Variants in SAMD7 observed in about 807,000 individuals in gnomAD.
SAMD7 encodes sterile alpha motif domain-containing protein 7.
A neutral mutation model predicts 36.7 loss-of-function variants in SAMD7; 34 were observed. The observed-to-expected ratio is 0.93, with a 90% CI of 0.71 to 1.23. The LOEUF (loss-of-function observed/expected upper bound fraction) is 1.23. Among genes scored for constraint, SAMD7 ranks in the 50% most tolerant of loss-of-function variants. The pLI, the probability that SAMD7 is intolerant of heterozygous loss-of-function variation, is 0.00. For missense variants in SAMD7, 570 were observed against 546.6 expected, an observed-to-expected ratio of 1.04 and a Z score of -0.43; for synonymous variants, 188 against 189.7, an observed-to-expected ratio of 0.99 and a Z score of 0.07.
intron 8 of SAMD7, 30 bp from the exon 9 acceptor site, chr3:169,938,288 T>C (rs918526771): frequency 6.8e-7 from 1 of 1,466,152 alleles, no homozygotes; most frequent in Non-Finnish European, 9.4e-7. Context: ...ATTCATAGAA[T>C]TGATTACTAT....
rs138236130 is a variant in SAMD7, at chr3:169,921,327, G to A, written c.200G>A (p.Arg67Gln). 18 of 1,613,732 alleles carry A rather than the reference G, an allele frequency of 1.1e-5. No homozygotes were observed. Among genetic ancestry groups the A allele is most frequent in the Middle Eastern group, 3.3e-4 (2 of 6,062 alleles). Residue 67 changes from arginine (R) to glutamine (Q), a missense_variant, in exon 4 of 9, where the codon CGG becomes CAG. By Grantham distance (43) the Arg-to-Gln change is conservative. Transcript: ENST00000335556. Reference protein sequence around the residue: ...NTNMANVLSSRIYPGWGILPP... With the variant: ...NTNMANVLSSQIYPGWGILPP... ...AATATGGCAAATGTGTTGTCCAGTC[G>A]GATCTACCCAGGTATGAGCAATAGA...
chr3:169,929,887 C>A (rs777357437), intron 7 of SAMD7, among the ~76,000 whole-genome samples: 1 of 152,166 alleles, frequency 6.6e-6, no homozygotes, highest in South Asian at 2.1e-4. Context: ...ATGGTTATAA[C>A]CTTATTTTTA....
At position 169,926,600 on chromosome 3, in the gene SAMD7, A is replaced by G. The variant is rs1462898797; in HGVS notation, c.338A>G (p.Lys113Arg). 6.2e-7 allele frequency: 1 copy of G among 1,613,036 alleles called. No homozygotes were observed. The highest frequency in any genetic ancestry group is 8.5e-7 in the Non-Finnish European group (1 of 1,179,586). The change falls in exon 6 of 9, where the codon AAA becomes AGA. Residue 113 changes from lysine (K) to arginine (R), a missense_variant. By Grantham distance (26) the Lys-to-Arg change is conservative (BLOSUM62 2). Transcript: ENST00000335556. ...YAIYQQRRME[K>R]INPKGLAGLG... is the part of the protein sequence containing the mutation. ...ATTTACCAGCAAAGGAGAATGGAAA[A>G]AATTAATCCCAAGGGACTAGCAGGC... is the stretch of plus-strand genomic sequence containing the variant.
At chr3:169,931,435 G>C (rs973392706) in intron 7 of SAMD7, among the ~76,000 whole-genome samples, 2 of 151,762 alleles carry the variant, frequency 1.3e-5, no homozygotes, top group African/African-American at 4.8e-5. Flanking sequence ...ATTTATCCAC[G>C]TGGTTCCTCC....
chr3:169,925,860 A>T (rs1713236924), intron 5 of SAMD7, among the ~76,000 whole-genome samples: 1 of 152,188 alleles, frequency 6.6e-6, no homozygotes, highest in South Asian at 2.1e-4. Flanking sequence ...GTCTTAAATG[A>T]CTTCAATTTT....
chr3:169,929,443 G>C (rs941597648), intron 7 of SAMD7, among the ~76,000 whole-genome samples: 1 of 152,090 alleles, frequency 6.6e-6, no homozygotes, highest in Non-Finnish European at 1.5e-5. Context: ...TGAAATGTTT[G>C]TCTACAGTGA....
At chr3:169,912,162 T>A (rs967184931) in intron 1 of SAMD7, among the ~76,000 whole-genome samples, 3 of 152,318 alleles carry the variant, frequency 2.0e-5, no homozygotes, top group East Asian at 1.9e-4. Context: ...TTCAAACAGA[T>A]GAAGTACCTA....
rs1190957793 is a variant in SAMD7 at position 169,938,879 on chromosome 3, AAC to A, written c.*374_*375del. 6.1e-6 allele frequency: 1 copy of A among 163,444 alleles called. No homozygotes were observed. Among genetic ancestry groups the A allele is most frequent in the Admixed American group, 6.3e-5 (1 of 15,754 alleles). 10.1% of individuals were successfully genotyped at this position (163,444 alleles called of 1,614,324 possible). Reference sequence around the variant, plus strand: ...CCCAAACCCTGAAAGAGATAAAGGCAACCCAATGAAACCACAGAGAGGCAGAA... The same window carrying A: ...CCCAAACCCTGAAAGAGATAAAGGCACCAATGAAACCACAGAGAGGCAGAA... On this transcript the variant is annotated 3_prime_UTR_variant, in exon 9 of 9. Transcript: ENST00000335556.
At chr3:169,922,276 G>A (rs1049271329) in intron 4 of SAMD7, among the ~76,000 whole-genome samples, 3 of 152,166 alleles carry the variant, frequency 2.0e-5, no homozygotes, top group Non-Finnish European at 4.4e-5. Context: ...CCTATGGAGA[G>A]AGTGCAGATA....
At chr3:169,928,635 G>A in intron 7 of SAMD7, 57 bp downstream of exon 7, 1 of 1,563,484 alleles carries the variant, frequency 6.4e-7, no homozygotes, top group Non-Finnish European at 8.8e-7. Flanking sequence ...TATCTTTCCT[G>A]CATAATGAAT....
intron 6 of SAMD7, 110 bp downstream of exon 6, chr3:169,927,291 T>TTA (rs1285775353): frequency 1.7e-5 from 11 of 641,160 alleles, no homozygotes; most frequent in Non-Finnish European, 2.4e-5. Context: ...CTTTCTTTTT[T>TTA]TTTTTTTTTT....
chr3:169,933,180 C>T, intron 7 of SAMD7: 1 of 720,016 alleles, frequency 1.4e-6, no homozygotes, highest in Non-Finnish European at 2.6e-6. Context: ...GTGCACTGAC[C>T]AGTTTGGGAT....
rs951108287 is a variant in SAMD7, at chr3:169,926,284, C to T, written c.291-269C>T. 2.0e-5 allele frequency: 27 copies of T among 1,381,256 alleles called. 1 individual carries two copies. The Admixed American group carries it at 2.3e-4, about 12-fold the overall frequency. The allele number at this position is 1,381,256 out of a possible 1,614,324, so 85.6% of individuals were successfully genotyped here. ...CTCTGGCAAGGAACTAGCTGTGCTG[C>T]GTAAGCCCCATCCCTGCTAAATTTG... is the stretch of plus-strand genomic sequence containing the variant. On this transcript the variant is annotated intron_variant, in intron 5 of 8. Transcript: ENST00000335556.
At chr3:169,921,536 C>G (rs532963084) in intron 4 of SAMD7, among the ~76,000 whole-genome samples, 198 bp downstream of exon 4, 1 of 152,256 alleles carries the variant, frequency 6.6e-6, no homozygotes, top group African/African-American at 2.4e-5. Flanking sequence ...CTTGACTCCT[C>G]TAAGTGTCAA....
chr3:169,938,062 TC>T (rs1713785744), intron 8 of SAMD7, among the ~76,000 whole-genome samples: 1 of 152,146 alleles, frequency 6.6e-6, no homozygotes, highest in African/African-American at 2.4e-5. Context: ...TCTACTTTTC[TC>T]CCCCTCAGTA....
chr3:169,938,223 T>A, intron 8 of SAMD7, 95 bp from the exon 9 acceptor site: 1 of 786,676 alleles, frequency 1.3e-6, no homozygotes, highest in Non-Finnish European at 2.1e-6. Flanking sequence ...GCTCCATGCC[T>A]GAAATTACCT....
chr3:169,937,129 C>T (rs575077955), intron 8 of SAMD7, among the ~76,000 whole-genome samples: 54 of 152,274 alleles, frequency 3.5e-4, no homozygotes, highest in African/African-American at 1.2e-3. Context: ...ACTTCCTAAA[C>T]ATTGAATAAT....
intron 1 of SAMD7, among the ~76,000 whole-genome samples, chr3:169,913,306 T>C (rs1354688057): frequency 2.0e-5 from 3 of 152,236 alleles, no homozygotes; most frequent in Admixed American, 6.5e-5. Context: ...CAAATTGCAC[T>C]GATTTTAATG....
intron 4 of SAMD7, among the ~76,000 whole-genome samples, chr3:169,921,600 A>T (rs925902183): frequency 1.3e-5 from 2 of 152,234 alleles, no homozygotes; most frequent in Non-Finnish European, 2.9e-5. Flanking sequence ...CTTATCTTAC[A>T]CATGAGGAAC....
Sources: allele counts gnomAD v4.1 joint callset (sites outside exome capture counted in the v4.1 genomes callset), GRCh38; gene constraint gnomAD v4.1.1; transcripts MANE v1.5; gene names NCBI Gene and HGNC (gene_info 2026-07-23, HGNC 2026-07-21).